The following PLXNA4 variants were observed in gnomAD, a reference collection of about 807,000 sequenced individuals.
PLXNA4 encodes plexin A4, also known as plexin-A4.
In PLXNA4, 44 loss-of-function variants were observed where a neutral mutation model predicts 191.8. The observed-to-expected ratio is 0.23, with a 90% CI of 0.18 to 0.29. PLXNA4 has a LOEUF of 0.29. Ranked by LOEUF, PLXNA4 falls within the 10% of genes least tolerant of loss-of-function variation. The pLI is 1.00. For synonymous variants in PLXNA4, 1,082 were observed against 1,009.5 expected, an observed-to-expected ratio of 1.07 and a Z score of -1.36; for missense variants, 1,800 against 2,488.8, an observed-to-expected ratio of 0.72 and a Z score of 5.89.
rs1262847679 is a variant in PLXNA4, at chr7:132,508,955, G to C, written c.-86-176C>G. Among the ~76,000 whole-genome samples, 1 of 152,162 alleles carries C rather than the reference G, an allele frequency of 6.6e-6. No homozygotes were observed. Among genetic ancestry groups the C allele is most frequent in the Non-Finnish European group, 1.5e-5 (1 of 68,016 alleles). ...ACGGGCATGTGACACAGTCAGAGCC[G>C]GGTGGCAGCAGCCCCAGGAGGACAC... On this transcript the variant is annotated intron_variant, in intron 1 of 31. Transcript: ENST00000321063. This position sits in a 1 kb window ranked among gnomAD's most constrained non-coding sequence, Gnocchi z 4.4.
At chr7:132,304,639 C>T (rs1017686884) in intron 3 of PLXNA4, among the ~76,000 whole-genome samples, 2 of 152,170 alleles carry the variant, frequency 1.3e-5, no homozygotes, top group African/African-American at 4.8e-5. Context: ...CCAGAGGCTA[C>T]CATATTGGAC....
intron 2 of PLXNA4, among the ~76,000 whole-genome samples, chr7:132,498,423 A>AAG (rs1255322149): frequency 6.6e-6 from 1 of 152,128 alleles, no homozygotes; most frequent in African/African-American, 2.4e-5. Flanking sequence ...AGCAGGCAAA[A>AAG]AGAGAGAGTG....
chr7:132,507,920 G>A lies in PLXNA4; in HGVS notation c.774C>T (p.Thr258=). The A allele has an allele frequency of 6.2e-7, 1 of 1,614,062 alleles. No individual in the cohort carries two copies. The highest frequency in any genetic ancestry group is 8.5e-7 in the Non-Finnish European group (1 of 1,180,010). ...GTGGAGACACCATCTCAGGTTGGAG[G>A]GTCAAAAAGTAGACAAAGTTGCCAC... ...FSSGNFVYFL[T]LQPEMVSPPG... Residue 258 remains threonine, a synonymous_variant, in exon 2 of 32, where the codon ACC becomes ACT. Transcript: ENST00000321063.
intron 16 of PLXNA4, among the ~76,000 whole-genome samples, chr7:132,185,084 G>A (rs969940576): frequency 1.3e-4 from 20 of 152,294 alleles, no homozygotes; most frequent in African/African-American, 4.6e-4. Context: ...TTGTTGTTAG[G>A]AGCTTGGCCT....
At chr7:132,242,269 T>C (rs1798906902) in intron 4 of PLXNA4, among the ~76,000 whole-genome samples, 1 of 152,156 alleles carries the variant, frequency 6.6e-6, no homozygotes, top group Non-Finnish European at 1.5e-5. Context: ...GCCATCCTTT[T>C]AAATTTCTTG....
At position 132,133,350 on chromosome 7, in the gene PLXNA4, GTC is replaced by G; in HGVS notation, c.5439-153_5439-152del. 7.4e-6 allele frequency: 10 copies of G among 1,350,028 alleles called. No homozygotes were observed. The South Asian group carries it at 8.7e-5, about 12-fold the overall frequency. The allele number at this position is 1,350,028 out of a possible 1,614,324, so 83.6% of individuals were successfully genotyped here. A position where few individuals can be genotyped will look rare whatever the true frequency, so the allele number is the denominator to read the frequency against. On this transcript the variant is annotated intron_variant, in intron 30 of 31. Coordinates refer to ENST00000321063, the MANE Select transcript of PLXNA4 (RefSeq NM_020911.2). ...CTGTGGCCACCTGGGGACCACTGTG[GTC>G]TCTCTCTCATCTGGGTTGCTGGGTC...
chr7:132,635,823 A>G (rs1198541122), intron 2 of PLXNA4, among the ~76,000 whole-genome samples: 1 of 152,220 alleles, frequency 6.6e-6, no homozygotes, highest in African/African-American at 2.4e-5. Context: ...CAGCAACAGC[A>G]TCAGGAAGTT....
chr7:132,411,103 T>G (rs1015077416), intron 3 of PLXNA4, among the ~76,000 whole-genome samples: 7 of 152,202 alleles, frequency 4.6e-5, no homozygotes, highest in Non-Finnish European at 8.8e-5. Context: ...ATGTGCTTGA[T>G]CTCATGTTTT....
intron 3 of PLXNA4, among the ~76,000 whole-genome samples, chr7:132,434,851 C>CA (rs1795407034): frequency 6.6e-6 from 1 of 152,192 alleles, no homozygotes; most frequent in African/African-American, 2.4e-5. Context: ...GTGGATGAAA[C>CA]ACTAGCCTTG....
At chr7:132,352,557 G>A (rs538737817) in intron 3 of PLXNA4, among the ~76,000 whole-genome samples, 2 of 152,274 alleles carry the variant, frequency 1.3e-5, no homozygotes, top group East Asian at 3.9e-4. Context: ...CCCCTGCCTG[G>A]TCAATCCTTG....
At chr7:132,335,604 G>A (rs1368639214) in intron 3 of PLXNA4, among the ~76,000 whole-genome samples, 2 of 152,180 alleles carry the variant, frequency 1.3e-5, no homozygotes, top group African/African-American at 2.4e-5. Context: ...AAATTGATGC[G>A]TTCTGACATT....
chr7:132,427,114 C>T (rs998598760), intron 3 of PLXNA4, among the ~76,000 whole-genome samples: 2 of 152,216 alleles, frequency 1.3e-5, no homozygotes, highest in Non-Finnish European at 2.9e-5. Flanking sequence ...AGCAACCTAG[C>T]AGGGCAACTG....
chr7:132,187,920 T>A (rs1796933990), intron 14 of PLXNA4, among the ~76,000 whole-genome samples: 1 of 152,096 alleles, frequency 6.6e-6, no homozygotes, highest in South Asian at 2.1e-4. Context: ...TACATATATA[T>A]AATTTAATCA....
chr7:132,502,945 C>T (rs774759125), intron 2 of PLXNA4, among the ~76,000 whole-genome samples: 1 of 152,192 alleles, frequency 6.6e-6, no homozygotes, highest in Non-Finnish European at 1.5e-5. Flanking sequence ...ATAGTTTCTG[C>T]TCCAAGGACC....
chr7:132,372,923 A>C (rs1379647308), intron 3 of PLXNA4, among the ~76,000 whole-genome samples: 1 of 152,222 alleles, frequency 6.6e-6, no homozygotes, highest in African/African-American at 2.4e-5. Context: ...AAGTGCCTTG[A>C]AAATTGGCAT....
chr7:132,340,026 G>T (rs1802965406), intron 3 of PLXNA4, among the ~76,000 whole-genome samples: 1 of 152,196 alleles, frequency 6.6e-6, no homozygotes, highest in South Asian at 2.1e-4. Flanking sequence ...GCTAGCCATA[G>T]CAGGGAAATG....
intron 4 of PLXNA4, among the ~76,000 whole-genome samples, chr7:132,254,990 AG>A (rs1188424606): frequency 2.0e-5 from 3 of 152,008 alleles, no homozygotes; most frequent in Non-Finnish European, 4.4e-5. Context: ...GCCCATTCTC[AG>A]GGGGGGTGGC....
At chr7:132,599,368 A>T (rs1195677808) in intron 2 of PLXNA4, among the ~76,000 whole-genome samples, 1 of 152,246 alleles carries the variant, frequency 6.6e-6, no homozygotes, top group Non-Finnish European at 1.5e-5. Flanking sequence ...ATTTGAGCAT[A>T]GCATGTGTCT....
Position 132,400,770 on chromosome 7 carries a change from A to G in PLXNA4, c.1371+88522T>C, listed in dbSNP as rs184557696. Among the ~76,000 whole-genome samples the G allele has an allele frequency of 3.3e-5, 5 of 152,348 alleles. 1 individual carries two copies. The highest frequency in any genetic ancestry group is 3.3e-4 in the Admixed American group (5 of 15,312). On this transcript the variant is annotated intron_variant, in intron 3 of 31. Transcript: ENST00000321063. ...AGTCCCTAGATGTCCTCCTCGGGAA[A>G]GCTCCCTGCGCACAGCTTGTGGGAG... is the stretch of plus-strand genomic sequence containing the variant.
Sources: allele counts gnomAD v4.1 joint callset (sites outside exome capture counted in the v4.1 genomes callset), GRCh38; gene constraint gnomAD v4.1.1; non-coding constraint Gnocchi (gnomAD v3.1); transcripts MANE v1.5; gene names NCBI Gene and HGNC (gene_info 2026-07-23, HGNC 2026-07-21).